Variants in ENOX1 observed in about 807,000 individuals in gnomAD.
The protein encoded by ENOX1 is ecto-NOX disulfide-thiol exchanger 1.
A neutral mutation model predicts 82.5 loss-of-function variants in ENOX1; 42 were observed. That is an observed-to-expected ratio of 0.51 (90% CI 0.40 to 0.66). ENOX1 has a LOEUF of 0.66. ENOX1 is among the 30% of genes least tolerant of loss of function. The probability of loss-of-function intolerance (pLI) is 0.00; values close to 1 mark genes in which losing one functional copy is unlikely to be tolerated. For missense variants in ENOX1, 608 were observed against 811.6 expected (o/e 0.75, Z 3.05); for synonymous variants, 271 against 282.2 (o/e 0.96, Z 0.40).
chr13:43,356,955 T>A (rs1174901335), intron 7 of ENOX1, among the ~76,000 whole-genome samples: 4 of 152,002 alleles, frequency 2.6e-5, no homozygotes, highest in African/African-American at 9.7e-5. Context: ...GGCCTGGAAA[T>A]CTTTGGGGGA....
intron 1 of ENOX1, among the ~76,000 whole-genome samples, chr13:43,749,285 A>C (rs1343822059): frequency 1.3e-5 from 2 of 152,202 alleles, no homozygotes; most frequent in African/African-American, 4.8e-5. Context: ...ATTCAGCTAC[A>C]ATTATTTACA....
intron 3 of ENOX1, among the ~76,000 whole-genome samples, chr13:43,428,668 T>TAC: frequency 6.6e-6 from 1 of 152,202 alleles, no homozygotes; most frequent in East Asian, 1.9e-4. Flanking sequence ...TTGTACCAAA[T>TAC]ACACTCTCTC....
chr13:43,422,104 T>C lies in ENOX1; in HGVS notation c.-74-9116A>G, dbSNP rs947472576. On this transcript the variant is annotated intron_variant, in intron 3 of 16. Transcript: ENST00000690772. ...CTTGTATACTAGAATACAGATGAAT[T>C]CAAAGTGTCAAAGAATGACAATTAA... Among the ~76,000 whole-genome samples, 4 of 152,022 alleles carry C rather than the reference T, an allele frequency of 2.6e-5. No homozygotes were observed. The East Asian group carries it at 7.7e-4, about 29-fold the overall frequency.
At chr13:43,407,383 G>A (rs1413143670) in intron 5 of ENOX1, among the ~76,000 whole-genome samples, 1 of 152,226 alleles carries the variant, frequency 6.6e-6, no homozygotes, top group Non-Finnish European at 1.5e-5. Flanking sequence ...GATCTCCACA[G>A]TGAATATTCT....
intron 2 of ENOX1, among the ~76,000 whole-genome samples, chr13:43,653,129 A>G (rs2084271678): frequency 6.6e-6 from 1 of 152,178 alleles, no homozygotes; most frequent in Admixed American, 6.5e-5. Context: ...TGGAAGTACA[A>G]TATGCTGCTC....
At chr13:43,780,414 A>G (rs1952195544) in intron 1 of ENOX1, among the ~76,000 whole-genome samples, 1 of 152,138 alleles carries the variant, frequency 6.6e-6, no homozygotes, top group South Asian at 2.1e-4. Context: ...TATGCAAGAC[A>G]CTCAGGAATC....
intron 2 of ENOX1, among the ~76,000 whole-genome samples, chr13:43,501,355 C>T (rs2076975362): frequency 6.6e-6 from 1 of 151,662 alleles, no homozygotes; most frequent in South Asian, 2.1e-4. Context: ...GGATTGATCA[C>T]ACAGAAAGTT....
intron 1 of ENOX1, among the ~76,000 whole-genome samples, chr13:43,677,552 C>T (rs9567245): frequency 0.059 from 9,006 of 152,210 alleles, 621 homozygotes; most frequent in East Asian, 0.33. Flanking sequence ...CTCTCTAGAG[C>T]GCTCTTTCTC....
Position 43,359,852 on chromosome 13 carries a change from A to G in ENOX1, c.588T>C (p.Ser196=), listed in dbSNP as rs1594133083. The change falls in exon 7 of 17, where the codon TCT becomes TCC. Residue 196 remains serine (S), a splice_region_variant and synonymous_variant. Coordinates refer to ENST00000690772, the MANE Select transcript of ENOX1 (RefSeq NM_001347969.2). Reference sequence around the variant, plus strand: ...AACTCCTTATGTAATGCAAAGTACCAGAAAGGTAAATGGCTTTATCAACCA... The same window carrying G: ...AACTCCTTATGTAATGCAAAGTACCGGAAAGGTAAATGGCTTTATCAACCA... The part of the protein sequence containing the change: ...EFMVDKAIYL[S]GYRMRLGSST... The G allele has an allele frequency of 3.1e-6, 5 of 1,613,976 alleles. No homozygotes were observed. In the East Asian group the frequency reaches 1.1e-4, roughly 36 times the overall value.
At chr13:43,598,297 G>A (rs1450859071) in intron 2 of ENOX1, among the ~76,000 whole-genome samples, 2 of 152,108 alleles carry the variant, frequency 1.3e-5, no homozygotes, top group Admixed American at 1.3e-4. Flanking sequence ...GCATGAAGCA[G>A]AGTTTTTGTC....
chr13:43,652,520 A>G (rs1377610065), intron 2 of ENOX1, among the ~76,000 whole-genome samples: 1 of 152,194 alleles, frequency 6.6e-6, no homozygotes, highest in Non-Finnish European at 1.5e-5. Context: ...CACAAGACGA[A>G]ATAACTTAGA....
intron 2 of ENOX1, among the ~76,000 whole-genome samples, chr13:43,521,076 A>C (rs546922142): frequency 6.6e-6 from 1 of 152,268 alleles, no homozygotes; most frequent in South Asian, 2.1e-4. Flanking sequence ...TTCAAACAAA[A>C]CCCAGAACAG....
intron 2 of ENOX1, among the ~76,000 whole-genome samples, chr13:43,586,166 C>T (rs956887044): frequency 1.3e-5 from 2 of 152,324 alleles, no homozygotes; most frequent in Non-Finnish European, 2.9e-5. Context: ...CAGGCCACTC[C>T]CTTCGCCAAC....
intron 2 of ENOX1, among the ~76,000 whole-genome samples, chr13:43,605,735 C>T (rs2081949170): frequency 6.6e-6 from 1 of 152,110 alleles, no homozygotes; most frequent in Non-Finnish European, 1.5e-5. Context: ...TTCTTCAGGA[C>T]ATTGGACTGG....
chr13:43,588,845 C>A (rs546351423), intron 2 of ENOX1, among the ~76,000 whole-genome samples: 1 of 152,260 alleles, frequency 6.6e-6, no homozygotes, highest in Admixed American at 6.5e-5. Flanking sequence ...ATTTTAAAAC[C>A]AATGGAAGCG....
chr13:43,270,809 C>T (rs2044636968), intron 12 of ENOX1, among the ~76,000 whole-genome samples: 1 of 152,200 alleles, frequency 6.6e-6, no homozygotes, highest in African/African-American at 2.4e-5. Context: ...TCAGTGTGTC[C>T]TATTTCACCA....
At chr13:43,561,453 G>A (rs963064543) in intron 2 of ENOX1, among the ~76,000 whole-genome samples, 2 of 152,120 alleles carry the variant, frequency 1.3e-5, no homozygotes, top group Admixed American at 6.5e-5. Flanking sequence ...TAGGAACAGT[G>A]CCATCAGAAT....
At chr13:43,676,340 C>T (rs1416958110) in intron 1 of ENOX1, among the ~76,000 whole-genome samples, 2 of 152,270 alleles carry the variant, frequency 1.3e-5, no homozygotes, top group Admixed American at 1.3e-4. Flanking sequence ...TATTTAAAGA[C>T]ACATGCTAGG....
At chr13:43,287,734 CT>C (rs1288626029) in intron 12 of ENOX1, among the ~76,000 whole-genome samples, 1 of 152,190 alleles carries the variant, frequency 6.6e-6, no homozygotes, top group Non-Finnish European at 1.5e-5. Flanking sequence ...TTCCTCTCAT[CT>C]TCATTTTTAG....
Sources: allele counts gnomAD v4.1 joint callset (sites outside exome capture counted in the v4.1 genomes callset), GRCh38; gene constraint gnomAD v4.1.1; transcripts MANE v1.5; gene names NCBI Gene and HGNC (gene_info 2026-07-23, HGNC 2026-07-21).